The following UGGT2 variants were observed in gnomAD, a reference collection of about 807,000 sequenced individuals.
UGGT2 encodes UDP-glucose glycoprotein glucosyltransferase 2, also known as UDP-glucose:glycoprotein glucosyltransferase 2.
UGGT2 carries 180 observed loss-of-function variants against 192.1 expected under a neutral mutation model. The ratio of observed to expected loss-of-function variants is 0.94; its 90% CI spans 0.83 to 1.06. The LOEUF (loss-of-function observed/expected upper bound fraction) is 1.06, where lower values mean the gene tolerates loss of function less well. Ranked by LOEUF, UGGT2 falls within the 50% of genes least tolerant of loss-of-function variation. The pLI is 0.00. For synonymous variants in UGGT2, 580 were observed against 591.0 expected (o/e 0.98, Z 0.27); for missense variants, 1,849 against 1,795.7 (o/e 1.03, Z -0.54).
At chr13:95,937,516 T>A (rs2049505267) in intron 16 of UGGT2, among the ~76,000 whole-genome samples, 1 of 152,226 alleles carries the variant, frequency 6.6e-6, no homozygotes, top group African/African-American at 2.4e-5. Context: ...GAGACTTATT[T>A]ATCCCTGTAT....
chr13:95,895,904 G>T (rs2047931462), intron 22 of UGGT2, among the ~76,000 whole-genome samples: 1 of 151,924 alleles, frequency 6.6e-6, no homozygotes, highest in African/African-American at 2.4e-5. Flanking sequence ...GCCTAGCAAG[G>T]TCACCTATAT....
chr13:95,928,091 A>T (rs996475839), intron 17 of UGGT2, among the ~76,000 whole-genome samples: 1 of 152,166 alleles, frequency 6.6e-6, no homozygotes, highest in Non-Finnish European at 1.5e-5. Context: ...TAACAATCTG[A>T]TCTCTCTTTC....
chr13:95,853,550 AG>A lies in UGGT2; in HGVS notation c.4276del (p.Leu1426Ter), dbSNP rs776735250. 1 of 1,612,962 alleles carries A rather than the reference AG, an allele frequency of 6.2e-7. No individual in the cohort carries two copies. Among genetic ancestry groups the A allele is most frequent in the Non-Finnish European group, 8.5e-7 (1 of 1,179,374 alleles). On this transcript the variant is annotated frameshift_variant, in exon 36 of 39. Coordinates refer to ENST00000376747, the MANE Select transcript of UGGT2 (RefSeq NM_020121.4). LOFTEE classifies it high-confidence loss of function. ...TGTTAACATTTTACTTACCTGATCTAGGTTTGAAAGACTGTTTGGATCTTGA... is the reference window on the plus strand; with the variant it reads ...TGTTAACATTTTACTTACCTGATCTAGTTTGAAAGACTGTTTGGATCTTGA... ...LSQDPNSLSN[L>X]DQDLPNNMIY...
chr13:95,838,451 T>C (rs1477144080), intron 36 of UGGT2, among the ~76,000 whole-genome samples: 1 of 152,148 alleles, frequency 6.6e-6, no homozygotes, highest in Non-Finnish European at 1.5e-5. Context: ...GCCAACTGAT[T>C]CTAAAGTTTA....
chr13:95,926,046 T>C (rs1263326174), intron 19 of UGGT2, among the ~76,000 whole-genome samples: 1 of 152,098 alleles, frequency 6.6e-6, no homozygotes, highest in African/African-American at 2.4e-5. Context: ...TAACTCATTA[T>C]ATAAGCTTAT....
At chr13:95,989,613 G>A in intron 8 of UGGT2, 1 of 358,416 alleles carries the variant, frequency 2.8e-6, no homozygotes, top group Non-Finnish European at 5.8e-6. Context: ...ATTTCAAAAA[G>A]AAGAAAACCA....
intron 17 of UGGT2, among the ~76,000 whole-genome samples, chr13:95,928,479 G>A (rs1051839238): frequency 3.0e-4 from 45 of 151,902 alleles, no homozygotes; most frequent in African/African-American, 8.9e-4. Context: ...CTTCTCAGAC[G>A]GGGCAGCCGG....
At chr13:95,863,508 T>C (rs1330148212) in intron 31 of UGGT2, 121 bp downstream of exon 31, 2 of 711,160 alleles carry the variant, frequency 2.8e-6, no homozygotes, top group Non-Finnish European at 4.9e-6. Flanking sequence ...TATGTATTTA[T>C]CTTATCCCTC....
At chr13:95,863,810 A>C in intron 30 of UGGT2, 96 bp from the exon 31 acceptor site, 2 of 953,940 alleles carry the variant, frequency 2.1e-6, no homozygotes, top group East Asian at 4.8e-5. Context: ...TTACCCATAG[A>C]AATCTAAGAT....
chr13:95,825,548 A>T (rs1227925124), intron 38 of UGGT2, among the ~76,000 whole-genome samples: 1 of 152,180 alleles, frequency 6.6e-6, no homozygotes, highest in Non-Finnish European at 1.5e-5. Flanking sequence ...CTCTTGTGCA[A>T]GCCTGAACCT....
intron 38 of UGGT2, among the ~76,000 whole-genome samples, chr13:95,809,876 T>C (rs1884493654): frequency 1.3e-5 from 2 of 152,260 alleles, no homozygotes; most frequent in African/African-American, 4.8e-5. Context: ...ACTTTTCTTT[T>C]TCTTGAATTA....
chr13:96,015,422 T>C (rs1842151754), intron 4 of UGGT2, among the ~76,000 whole-genome samples: 1 of 152,192 alleles, frequency 6.6e-6, no homozygotes. Flanking sequence ...TACCATTTGC[T>C]GAGTCTGTAA....
At chr13:95,981,073 G>A (rs1221281615) in intron 10 of UGGT2, among the ~76,000 whole-genome samples, 2 of 152,100 alleles carry the variant, frequency 1.3e-5, no homozygotes, top group African/African-American at 4.8e-5. Context: ...TAAACTAAAT[G>A]TTTCTTATCT....
At chr13:95,967,253 A>G (rs2050610988) in intron 12 of UGGT2, among the ~76,000 whole-genome samples, 1 of 151,902 alleles carries the variant, frequency 6.6e-6, no homozygotes, top group Non-Finnish European at 1.5e-5. Context: ...CCAAGGTCCA[A>G]CGTATTCTCC....
At chr13:95,925,846 G>A (rs2048999745) in intron 19 of UGGT2, 72 bp from the exon 20 acceptor site, 2 of 991,260 alleles carry the variant, frequency 2.0e-6, no homozygotes, top group Non-Finnish European at 2.9e-6. Context: ...GGGAACATGT[G>A]CAGTTAACAC....
intron 17 of UGGT2, among the ~76,000 whole-genome samples, chr13:95,930,587 G>A (rs1037605111): frequency 1.3e-5 from 2 of 152,044 alleles, no homozygotes; most frequent in Non-Finnish European, 1.5e-5. Flanking sequence ...CTTTATTTCT[G>A]GGTTCTCTAC....
At chr13:96,049,832 A>C (rs2139240671) in intron 1 of UGGT2, among the ~76,000 whole-genome samples, 1 of 152,358 alleles carries the variant, frequency 6.6e-6, no homozygotes, top group East Asian at 1.9e-4. Context: ...ATAAAAGAGG[A>C]CACAAACAAA....
chr13:96,042,522 C>T (rs940487058), intron 1 of UGGT2, among the ~76,000 whole-genome samples: 2 of 151,836 alleles, frequency 1.3e-5, no homozygotes, highest in South Asian at 2.1e-4. Flanking sequence ...AGATGAAATG[C>T]CTGATTTACC....
chr13:95,821,159 C>T (rs1296451325), intron 38 of UGGT2, among the ~76,000 whole-genome samples: 2 of 152,078 alleles, frequency 1.3e-5, no homozygotes, highest in African/African-American at 4.8e-5. Flanking sequence ...TTTAAAGAGT[C>T]TCCATACTGT....
Sources: gnomAD v4.1 joint callset for allele counts (sites outside exome capture counted in the v4.1 genomes callset) on GRCh38, gnomAD v4.1.1 for gene constraint, MANE v1.5 for transcripts, NCBI Gene and HGNC (gene_info 2026-07-23, HGNC 2026-07-21) for gene names.